PIK3C2G: variants seen among roughly 807,000 people sequenced by gnomAD.
PIK3C2G encodes the protein phosphatidylinositol-4-phosphate 3-kinase catalytic subunit type 2 gamma, also known as phosphatidylinositol 3-kinase C2 domain-containing subunit gamma.
Under a neutral mutation model 181.1 loss-of-function variants are expected in PIK3C2G, and 168 were observed. That is an observed-to-expected ratio of 0.93 (90% CI 0.82 to 1.05). PIK3C2G has a LOEUF of 1.05. PIK3C2G is among the 50% of genes least tolerant of loss of function. PIK3C2G has a pLI of 0.00. For synonymous variants in PIK3C2G, 573 were observed against 592.2 expected (o/e 0.97, Z 0.47); for missense variants, 1,869 against 1,732.8 (o/e 1.08, Z -1.40).
chr12:18,517,961 A>T (rs137960472), intron 24 of PIK3C2G, among the ~76,000 whole-genome samples: 131 of 152,328 alleles, frequency 8.6e-4, no homozygotes, highest in African/African-American at 3.1e-3. Context: ...AATTTTATCA[A>T]AGGCCTTTTC....
intron 18 of PIK3C2G, among the ~76,000 whole-genome samples, chr12:18,438,493 T>C (rs1048340629): frequency 6.6e-6 from 1 of 151,926 alleles, no homozygotes; most frequent in African/African-American, 2.4e-5. Context: ...ACACGTAGTA[T>C]AGTTAATGCT....
In PIK3C2G at chr12:18,282,105, T is replaced by G. The variant is rs753898743; in HGVS notation, c.24T>G (p.Asp8Glu). MAYSWQT[D>E]PNPNESHEKQ... Reference sequence around the variant, plus strand: ...AAATGGCATATTCTTGGCAAACGGATCCAAATCCTAATGAATCACACGAAA... The same window carrying G: ...AAATGGCATATTCTTGGCAAACGGAGCCAAATCCTAATGAATCACACGAAA... The change falls in exon 2 of 33, where the codon GAT becomes GAG. Residue 8 changes from aspartate to glutamate, a missense_variant. By Grantham distance (45) the Asp-to-Glu change is conservative. Coordinates refer to ENST00000538779, the MANE Select transcript of PIK3C2G (RefSeq NM_001288772.2). 7.5e-6 allele frequency: 12 copies of G among 1,601,432 alleles called. No homozygotes were observed. The highest frequency in any genetic ancestry group is 1.1e-5 in the South Asian group (1 of 89,484).
intron 6 of PIK3C2G, among the ~76,000 whole-genome samples, chr12:18,318,312 T>G (rs1426696178): frequency 6.6e-6 from 1 of 152,160 alleles, no homozygotes; most frequent in Admixed American, 6.5e-5. Context: ...ATTTTCTTTC[T>G]AAGATGTATA....
chr12:18,391,395 GTTAA>G (rs1419822437), intron 15 of PIK3C2G, 143 bp downstream of exon 15: 2 of 528,450 alleles, frequency 3.8e-6, no homozygotes, highest in Non-Finnish European at 6.3e-6. Context: ...TTCTTGGATG[GTTAA>G]TTAATGTTTA....
chr12:18,376,691 G>C (rs1288128255), intron 13 of PIK3C2G, among the ~76,000 whole-genome samples: 1 of 152,194 alleles, frequency 6.6e-6, no homozygotes, highest in Non-Finnish European at 1.5e-5. Flanking sequence ...GTTGGAGGTA[G>C]GACACGGTGG....
At chr12:18,527,225 G>A (rs745867846) in intron 24 of PIK3C2G, among the ~76,000 whole-genome samples, 5 of 152,104 alleles carry the variant, frequency 3.3e-5, no homozygotes, top group South Asian at 2.1e-4. Flanking sequence ...ATCTCATAGC[G>A]TTGACTCTAA....
rs143958025 is a variant in PIK3C2G at position 18,462,809 on chromosome 12, T to C, written c.2505-25640T>C. Among the ~76,000 whole-genome samples, 1,012 of 152,232 alleles carry C rather than the reference T, an allele frequency of 6.6e-3. 12 individuals carry two copies. The highest frequency in any genetic ancestry group is 0.023 in the African/African-American group (975 of 41,550). On this transcript the variant is annotated intron_variant, in intron 18 of 32. Transcript: ENST00000538779. ...ATTAAATTGGCCTCATTTCAACACA[T>C]AATATTGGCTGCTTCCTAAAGATTA...
chr12:18,560,152 CT>C (rs764590710), intron 26 of PIK3C2G, among the ~76,000 whole-genome samples: 47 of 151,770 alleles, frequency 3.1e-4, no homozygotes, highest in Admixed American at 6.6e-4. Context: ...TTTTTAATCA[CT>C]ATGTGACAGC....
At chr12:18,654,236 T>C in the PIK3C2G span, among the ~76,000 whole-genome samples, 4 of 149,118 alleles carry the variant, frequency 2.7e-5, no homozygotes, top group Non-Finnish European at 5.9e-5. Context: ...TTGAAGAAGG[T>C]AATAGAAAAG....
chr12:18,339,266 A>G (rs1436971886), intron 9 of PIK3C2G, among the ~76,000 whole-genome samples: 1 of 152,190 alleles, frequency 6.6e-6, no homozygotes, highest in Non-Finnish European at 1.5e-5. Context: ...TATGATGATA[A>G]TAACTAGCAT....
At chr12:18,693,024 G>A in the PIK3C2G span, 5 of 1,430,514 alleles carry the variant, frequency 3.5e-6, no homozygotes, top group African/African-American at 2.8e-5. Flanking sequence ...TAGAAATCAG[G>A]AACAAATGAA....
intron 24 of PIK3C2G, among the ~76,000 whole-genome samples, chr12:18,523,788 C>T (rs952657789): frequency 2.0e-5 from 3 of 152,098 alleles, no homozygotes; most frequent in African/African-American, 4.8e-5. Flanking sequence ...ATTTGAGTAC[C>T]GAAACTTAGG....
intron 24 of PIK3C2G, among the ~76,000 whole-genome samples, chr12:18,535,570 A>G (rs916216382): frequency 6.6e-6 from 1 of 152,060 alleles, no homozygotes; most frequent in Non-Finnish European, 1.5e-5. Context: ...ATCCATCATA[A>G]TTCTCCTTAT....
chr12:18,650,720 A>ATATC (rs1950462167), downstream of PIK3C2G, among the ~76,000 whole-genome samples: 1 of 10,588 alleles, frequency 9.4e-5, no homozygotes, highest in African/African-American at 4.4e-4. Flanking sequence ...ATCTATATAT[A>ATATC]TATATATATA....
chr12:18,385,155 T>C (rs1266869544), intron 14 of PIK3C2G, among the ~76,000 whole-genome samples: 1 of 152,122 alleles, frequency 6.6e-6, no homozygotes, highest in Non-Finnish European at 1.5e-5. Context: ...CTTGAACAAG[T>C]CACCTAACCT....
intron 28 of PIK3C2G, among the ~76,000 whole-genome samples, chr12:18,565,840 G>A (rs1050113182): frequency 1.3e-5 from 2 of 151,996 alleles, no homozygotes; most frequent in Non-Finnish European, 2.9e-5. Flanking sequence ...AACTCACACG[G>A]ACATGTGAAT....
chr12:18,528,074 G>A lies in PIK3C2G; in HGVS notation c.3324-10082G>A, dbSNP rs1301507548. 7.2e-5 allele frequency among the ~76,000 whole-genome samples: 11 copies of A among 152,128 alleles called. No individual in the cohort carries two copies. The East Asian group carries it at 1.7e-3, about 24-fold the overall frequency. On this transcript the variant is annotated intron_variant, in intron 24 of 32. Coordinates refer to ENST00000538779, the MANE Select transcript of PIK3C2G (RefSeq NM_001288772.2). Reference sequence around the variant, plus strand: ...AAATGTTCTTTCTATAATAGTACATGCACTCTCATGTTCTCATCATATTGT... The same window carrying A: ...AAATGTTCTTTCTATAATAGTACATACACTCTCATGTTCTCATCATATTGT...
the PIK3C2G span, among the ~76,000 whole-genome samples, chr12:18,684,564 A>G: frequency 6.6e-6 from 1 of 152,060 alleles, no homozygotes; most frequent in Non-Finnish European, 1.5e-5. Flanking sequence ...GATGTTACAT[A>G]ATTTCCTAAG....
At chr12:18,721,715 TAAA>T in the PIK3C2G span, among the ~76,000 whole-genome samples, 3 of 139,836 alleles carry the variant, frequency 2.1e-5, no homozygotes, top group African/African-American at 2.6e-5. Flanking sequence ...GTCTTGCTAT[TAAA>T]AAAAAAAAAA....
Sources: gnomAD v4.1 joint callset for allele counts (sites outside exome capture counted in the v4.1 genomes callset) on GRCh38, gnomAD v4.1.1 for gene constraint, MANE v1.5 for transcripts, NCBI Gene and HGNC (gene_info 2026-07-23, HGNC 2026-07-21) for gene names.